Variants in SPAG16 observed in about 807,000 individuals in gnomAD.
The protein encoded by SPAG16 is sperm-associated antigen 16 protein.
In SPAG16, 86 loss-of-function variants were observed where a neutral mutation model predicts 80.4. The ratio of observed to expected loss-of-function variants is 1.07; its 90% CI spans 0.90 to 1.28. SPAG16 has a LOEUF of 1.28. SPAG16 is among the 50% of genes most tolerant of loss of function. The probability of loss-of-function intolerance (pLI) is 0.00; values close to 1 mark genes in which losing one functional copy is unlikely to be tolerated. For missense variants in SPAG16, 870 were observed against 765.3 expected, an observed-to-expected ratio of 1.14 and a Z score of -1.61; for synonymous variants, 294 against 265.9, an observed-to-expected ratio of 1.11 and a Z score of -1.03.
intron 14 of SPAG16, among the ~76,000 whole-genome samples, chr2:214,109,513 A>G (rs1391031650): frequency 1.3e-5 from 2 of 152,178 alleles, no homozygotes; most frequent in African/African-American, 2.4e-5. Context: ...TAACATCACA[A>G]TGATAGCATA....
intron 15 of SPAG16, among the ~76,000 whole-genome samples, chr2:214,380,627 C>CACAT (rs1201938778): frequency 6.6e-6 from 1 of 152,118 alleles, no homozygotes; most frequent in East Asian, 1.9e-4. Context: ...AATTAATTAA[C>CACAT]ACATAAAGAA....
intron 12 of SPAG16, among the ~76,000 whole-genome samples, chr2:213,959,953 G>A (rs942852509): frequency 2.6e-5 from 4 of 152,118 alleles, no homozygotes; most frequent in Admixed American, 2.6e-4. Context: ...AAAGTTTTCA[G>A]CCATTATTTC....
chr2:213,677,673 C>G (rs1321054168), intron 10 of SPAG16, among the ~76,000 whole-genome samples: 1 of 152,056 alleles, frequency 6.6e-6, no homozygotes, highest in Non-Finnish European at 1.5e-5. Context: ...ATAATGGGAG[C>G]CTTTGACACC....
At chr2:213,628,541 G>A (rs1012924985) in intron 10 of SPAG16, among the ~76,000 whole-genome samples, 1 of 152,214 alleles carries the variant, frequency 6.6e-6, no homozygotes, top group African/African-American at 2.4e-5. Context: ...ATTATTAAGT[G>A]ACTAATGTCT....
chr2:213,918,335 T>G lies in SPAG16; in HGVS notation c.1215-11625T>G, dbSNP rs141220011. Among the ~76,000 whole-genome samples the G allele has an allele frequency of 3.6e-4, 55 of 152,292 alleles. No homozygotes were observed. In the South Asian group the frequency reaches 0.011, roughly 30 times the overall value. On this transcript the variant is annotated intron_variant, in intron 11 of 15. Transcript: ENST00000331683. ...CCTCAATTTTTTGGAACAGTTTCAG[T>G]AAGAGTGATAGGAGCTCTTCATTGT...
chr2:213,343,798 A>G (rs77988078), intron 6 of SPAG16, among the ~76,000 whole-genome samples: 3,633 of 152,242 alleles, frequency 0.024, 61 homozygotes, highest in African/African-American at 0.039. Context: ...CTGGTGCACA[A>G]AGAGAAAAAA....
chr2:213,721,280 G>A (rs1234096861), intron 10 of SPAG16, among the ~76,000 whole-genome samples: 1 of 151,804 alleles, frequency 6.6e-6, no homozygotes, highest in Non-Finnish European at 1.5e-5. Flanking sequence ...TGTATTTTTA[G>A]TAGAGATGGG....
chr2:213,951,019 GT>G (rs200070959), intron 12 of SPAG16, among the ~76,000 whole-genome samples: 102 of 146,056 alleles, frequency 7.0e-4, no homozygotes, highest in East Asian at 2.2e-3. Context: ...GCCTGACATA[GT>G]TTTTTTTTTT....
chr2:213,660,008 T>G (rs1277229725), intron 10 of SPAG16, among the ~76,000 whole-genome samples: 2 of 152,154 alleles, frequency 1.3e-5, no homozygotes, highest in African/African-American at 2.4e-5. Flanking sequence ...GGCCCCTACC[T>G]TAGAATATCT....
At chr2:213,801,396 G>C (rs377121103) in intron 10 of SPAG16, among the ~76,000 whole-genome samples, 56 of 152,264 alleles carry the variant, frequency 3.7e-4, no homozygotes, top group African/African-American at 1.3e-3. Context: ...TTTTCACCAC[G>C]TACTAAAAGA....
intron 10 of SPAG16, among the ~76,000 whole-genome samples, chr2:213,560,946 C>T (rs2059582579): frequency 6.6e-6 from 1 of 152,210 alleles, no homozygotes; most frequent in Non-Finnish European, 1.5e-5. Context: ...TCACTGCAAC[C>T]TCTGCATTCC....
chr2:214,111,691 C>T (rs906689230), intron 14 of SPAG16, among the ~76,000 whole-genome samples: 6 of 152,030 alleles, frequency 3.9e-5, no homozygotes, highest in Non-Finnish European at 5.9e-5. Context: ...TTGATGGGGA[C>T]GGCATTGAAT....
At chr2:213,630,001 T>C (rs2062088020) in intron 10 of SPAG16, among the ~76,000 whole-genome samples, 1 of 152,212 alleles carries the variant, frequency 6.6e-6, no homozygotes, top group African/African-American at 2.4e-5. Flanking sequence ...TATTTTCTCA[T>C]TTGCTTCATT....
chr2:214,173,321 G>A (rs1576414145), intron 15 of SPAG16, among the ~76,000 whole-genome samples: 2 of 152,034 alleles, frequency 1.3e-5, no homozygotes, highest in African/African-American at 4.8e-5. Context: ...CATATGGCTA[G>A]CCAGTTTTCC....
intron 10 of SPAG16, among the ~76,000 whole-genome samples, chr2:213,526,082 TGTATCTCTATTTCTTAATA>T (rs1188212602): frequency 6.6e-6 from 1 of 152,210 alleles, no homozygotes; most frequent in Non-Finnish European, 1.5e-5. Flanking sequence ...GTTTAAAGTT[TGTATCTCTATTTCTTAATA>T]TCGGTATCTT....
intron 9 of SPAG16, among the ~76,000 whole-genome samples, chr2:213,451,149 G>T (rs370971679): frequency 1.3e-5 from 2 of 152,094 alleles, no homozygotes; most frequent in East Asian, 3.8e-4. Flanking sequence ...GCACTTTCAT[G>T]AGTATTATCT....
chr2:213,742,974 A>C (rs1968345), intron 10 of SPAG16, among the ~76,000 whole-genome samples: 2 of 151,886 alleles, frequency 1.3e-5, no homozygotes, highest in African/African-American at 4.9e-5. Flanking sequence ...TGAGATCTCC[A>C]CTCACTGCGA....
intron 11 of SPAG16, among the ~76,000 whole-genome samples, chr2:213,877,904 A>G (rs2076199762): frequency 6.6e-6 from 1 of 152,108 alleles, no homozygotes; most frequent in South Asian, 2.1e-4. Flanking sequence ...TTCTGCAACC[A>G]CACTGTCACT....
rs1324051344 is a variant in SPAG16, at chr2:214,059,248, ATATATATGTATG to A, written c.1527+45179_1527+45190del. On this transcript the variant is annotated intron_variant, in intron 13 of 15. Coordinates refer to ENST00000331683, the MANE Select transcript of SPAG16 (RefSeq NM_024532.5). ...TATATATATATATATATATGTATGT[ATATATATGTATG>A]TATATATATATATATAATCAAGAAT... 5.2e-3 allele frequency among the ~76,000 whole-genome samples: 568 copies of A among 108,220 alleles called. 3 individuals are homozygous for A. The highest frequency in any genetic ancestry group is 0.015 in the Middle Eastern group (3 of 206). 71.0% of individuals were successfully genotyped at this position (108,220 alleles called of 152,430 possible).
Sources: allele counts gnomAD v4.1 joint callset (sites outside exome capture counted in the v4.1 genomes callset), GRCh38; gene constraint gnomAD v4.1.1; transcripts MANE v1.5; gene names NCBI Gene and HGNC (gene_info 2026-07-23, HGNC 2026-07-21).